Variants in ZDHHC14 observed in about 807,000 individuals in gnomAD.
ZDHHC14 encodes the protein palmitoyltransferase ZDHHC14.
ZDHHC14 carries 16 observed loss-of-function variants against 47.7 expected under a neutral mutation model. The observed-to-expected ratio is 0.34, with a 90% CI of 0.23 to 0.51. The LOEUF (loss-of-function observed/expected upper bound fraction) is 0.51, where lower values mean the gene tolerates loss of function less well. Among genes scored for constraint, ZDHHC14 ranks in the 20% least tolerant of loss-of-function variants. The pLI is 0.97. For missense variants in ZDHHC14, 515 were observed against 662.5 expected (o/e 0.78, Z 2.44); for synonymous variants, 293 against 278.9 (o/e 1.05, Z -0.50).
chr6:157,666,639 TA>T (rs1778565888), intron 8 of ZDHHC14, among the ~76,000 whole-genome samples: 1 of 152,180 alleles, frequency 6.6e-6, no homozygotes. Context: ...GCAAAAGAAA[TA>T]AATAATTTCA....
rs879903749 is a variant in ZDHHC14, at chr6:157,670,439, G to C, written c.1069-2285G>C. 9.9e-5 allele frequency among the ~76,000 whole-genome samples: 15 copies of C among 152,254 alleles called. No individual in the cohort carries two copies. The East Asian group carries it at 2.9e-3, about 29-fold the overall frequency. On this transcript the variant is annotated intron_variant, in intron 8 of 8. Transcript: ENST00000359775. ...CTCCTGAGAAGCTGGGATTACATTT[G>C]TGTGCCACCATGCCCAGCTAATTTT...
At chr6:157,651,161 G>T (rs1034663316) in intron 7 of ZDHHC14, among the ~76,000 whole-genome samples, 3 of 152,250 alleles carry the variant, frequency 2.0e-5, no homozygotes, top group Admixed American at 6.5e-5. Context: ...ACAGAAAGTT[G>T]TTCTGTTATA....
chr6:157,654,432 G>A (rs1225751855), intron 8 of ZDHHC14, among the ~76,000 whole-genome samples: 5 of 152,172 alleles, frequency 3.3e-5, no homozygotes, highest in African/African-American at 1.2e-4. Flanking sequence ...ACCTTGTCTT[G>A]TGGTGGTCCT....
intron 1 of ZDHHC14, among the ~76,000 whole-genome samples, chr6:157,387,231 G>GA (rs112193006): frequency 0.04 from 5,781 of 144,190 alleles, 260 homozygotes; most frequent in African/African-American, 0.11. Flanking sequence ...TAATTCCTCT[G>GA]AAAAAAAAAA....
At chr6:157,388,954 C>G (rs1777369635) in intron 1 of ZDHHC14, among the ~76,000 whole-genome samples, 2 of 152,240 alleles carry the variant, frequency 1.3e-5, no homozygotes, top group Middle Eastern at 3.4e-3. Context: ...TTTGTCTTCT[C>G]TCAGGGATTT....
At chr6:157,403,562 G>T (rs916180962) in intron 1 of ZDHHC14, among the ~76,000 whole-genome samples, 2 of 152,170 alleles carry the variant, frequency 1.3e-5, no homozygotes, top group Admixed American at 6.5e-5. Flanking sequence ...ATTAGAAAAG[G>T]GTTTAGGGCC....
chr6:157,409,821 T>C (rs961334608), intron 1 of ZDHHC14, among the ~76,000 whole-genome samples: 3 of 151,466 alleles, frequency 2.0e-5, no homozygotes, highest in Non-Finnish European at 4.4e-5. Flanking sequence ...TTTTATTTTA[T>C]TTTATTATTT....
At chr6:157,449,683 T>C (rs1328876702) in intron 1 of ZDHHC14, among the ~76,000 whole-genome samples, 1 of 152,214 alleles carries the variant, frequency 6.6e-6, no homozygotes, top group Non-Finnish European at 1.5e-5. Flanking sequence ...TTACTTTTCA[T>C]TGTTTTTATG....
chr6:157,578,735 C>G (rs916454161), intron 2 of ZDHHC14, among the ~76,000 whole-genome samples: 1 of 152,166 alleles, frequency 6.6e-6, no homozygotes, highest in African/African-American at 2.4e-5. Context: ...GCTGGCATTT[C>G]CCCTGCTTGC....
chr6:157,573,959 GTC>G, intron 2 of ZDHHC14, among the ~76,000 whole-genome samples: 2 of 149,574 alleles, frequency 1.3e-5, no homozygotes, highest in African/African-American at 4.9e-5. Flanking sequence ...AAACCTCGGG[GTC>G]GGGGGGGAAG....
chr6:157,435,588 G>A (rs1261742457), intron 1 of ZDHHC14, among the ~76,000 whole-genome samples: 1 of 151,880 alleles, frequency 6.6e-6, no homozygotes, highest in Middle Eastern at 3.2e-3. Context: ...TGCCCAGGCT[G>A]GAGTGCAGTG....
intron 3 of ZDHHC14, among the ~76,000 whole-genome samples, chr6:157,616,721 G>T (rs1049322558): frequency 2.6e-4 from 40 of 152,176 alleles, no homozygotes; most frequent in Non-Finnish European, 4.6e-4. Flanking sequence ...ACTTCGGGGG[G>T]ATCAGACGTC....
intron 1 of ZDHHC14, among the ~76,000 whole-genome samples, chr6:157,414,315 A>G (rs973979235): frequency 6.6e-6 from 1 of 152,030 alleles, no homozygotes; most frequent in Non-Finnish European, 1.5e-5. Context: ...TGCTTTCTTC[A>G]TCTCTGAAAG....
chr6:157,473,509 C>T (rs1042011932), intron 1 of ZDHHC14, among the ~76,000 whole-genome samples: 2 of 152,120 alleles, frequency 1.3e-5, no homozygotes, highest in African/African-American at 4.8e-5. Context: ...TTTTTTAAGG[C>T]TGAATAGTAC....
intron 1 of ZDHHC14, among the ~76,000 whole-genome samples, chr6:157,429,913 G>A (rs1453642565): frequency 3.9e-5 from 6 of 152,130 alleles, no homozygotes; most frequent in Non-Finnish European, 4.4e-5. Context: ...TCTTCAGGAG[G>A]GAAGGAGAAT....
At chr6:157,421,747 A>G (rs1778110688) in intron 1 of ZDHHC14, among the ~76,000 whole-genome samples, 1 of 151,912 alleles carries the variant, frequency 6.6e-6, no homozygotes, top group Non-Finnish European at 1.5e-5. Flanking sequence ...AGCTGGGATT[A>G]TAGCCACCCA....
chr6:157,482,185 T>G (rs1406889607), intron 1 of ZDHHC14, among the ~76,000 whole-genome samples: 1 of 152,158 alleles, frequency 6.6e-6, no homozygotes, highest in East Asian at 1.9e-4. Flanking sequence ...CCTCTGATAG[T>G]AGCCAGTTGG....
intron 8 of ZDHHC14, among the ~76,000 whole-genome samples, chr6:157,669,356 A>AG (rs1422992069): frequency 1.3e-5 from 2 of 152,208 alleles, no homozygotes; most frequent in African/African-American, 4.8e-5. Flanking sequence ...CAGAGAGTGG[A>AG]GGAGAGCCCA....
chr6:157,548,306 A>C (rs757970618), intron 2 of ZDHHC14, among the ~76,000 whole-genome samples: 2 of 152,090 alleles, frequency 1.3e-5, no homozygotes, highest in Non-Finnish European at 2.9e-5. Flanking sequence ...TCAGCCTCTC[A>C]CGCACTCTGA....
Sources: gnomAD v4.1 joint callset for allele counts (sites outside exome capture counted in the v4.1 genomes callset) on GRCh38, gnomAD v4.1.1 for gene constraint, MANE v1.5 for transcripts, NCBI Gene and HGNC (gene_info 2026-07-23, HGNC 2026-07-21) for gene names.